Variants in PARD3B observed in about 807,000 individuals in gnomAD.
PARD3B encodes par-3 family cell polarity regulator beta, also known as partitioning defective 3 homolog B.
A neutral mutation model predicts 130.2 loss-of-function variants in PARD3B; 103 were observed. The ratio of observed to expected loss-of-function variants is 0.79; its 90% CI spans 0.67 to 0.93. The LOEUF is 0.93. PARD3B is among the 40% of genes least tolerant of loss of function. The pLI, the probability that PARD3B is intolerant of heterozygous loss-of-function variation, is 0.00. For synonymous variants in PARD3B, 583 were observed against 553.2 expected (o/e 1.05, Z -0.76); for missense variants, 1,609 against 1,499.2 (o/e 1.07, Z -1.21).
intron 1 of PARD3B, among the ~76,000 whole-genome samples, chr2:204,600,714 G>T (rs1381615974): frequency 6.6e-6 from 1 of 151,750 alleles, no homozygotes; most frequent in African/African-American, 2.4e-5. Context: ...AAGTGATAAG[G>T]TTTCAGTTTT....
intron 18 of PARD3B, among the ~76,000 whole-genome samples, chr2:205,340,352 G>A (rs2043476447): frequency 6.6e-6 from 1 of 151,918 alleles, no homozygotes; most frequent in Non-Finnish European, 1.5e-5. Context: ...CTTCAAAATA[G>A]ACTACAAAGC....
chr2:204,965,263 C>A lies in PARD3B; in HGVS notation c.334C>A (p.Leu112Met), dbSNP rs1691133429. ...TTTTGAGACAGAAGTGGCCGCCCAA[C>A]TGGCCGCATTTAAGCCAATTGGTGG... is the stretch of plus-strand genomic sequence containing the variant. ...DAFETEVAAQ[L>M]AAFKPIGGEI... The change falls in exon 3 of 23, where the codon CTG becomes ATG. Residue 112 changes from leucine (L) to methionine (M), a missense_variant. Transcript: ENST00000406610. 6.2e-7 allele frequency: 1 copy of A among 1,613,802 alleles called. No homozygotes were observed. Among genetic ancestry groups the A allele is most frequent in the Admixed American group, 1.7e-5 (1 of 59,970 alleles).
intron 19 of PARD3B, among the ~76,000 whole-genome samples, chr2:205,431,500 T>C (rs1481033550): frequency 2.0e-5 from 3 of 152,120 alleles, no homozygotes; most frequent in African/African-American, 7.2e-5. Context: ...GACAGAGTCT[T>C]GCACTGTTGT....
chr2:204,599,524 C>CT (rs1215384695), intron 1 of PARD3B, among the ~76,000 whole-genome samples: 7 of 151,886 alleles, frequency 4.6e-5, no homozygotes, highest in South Asian at 2.1e-4. Context: ...GGATTTTATC[C>CT]TTTTTTATGG....
intron 1 of PARD3B, among the ~76,000 whole-genome samples, chr2:204,638,705 A>G (rs1474711010): frequency 1.3e-5 from 2 of 152,142 alleles, no homozygotes; most frequent in Admixed American, 6.6e-5. Flanking sequence ...GGGACTTCAA[A>G]TGACTATGCA....
At chr2:205,523,418 C>T (rs891230799) in intron 21 of PARD3B, among the ~76,000 whole-genome samples, 5 of 151,266 alleles carry the variant, frequency 3.3e-5, no homozygotes. Context: ...TAATTTTTGT[C>T]TTTTTAATAG....
At chr2:205,374,907 A>G (rs557594957) in intron 18 of PARD3B, among the ~76,000 whole-genome samples, 4 of 152,314 alleles carry the variant, frequency 2.6e-5, no homozygotes, top group African/African-American at 7.2e-5. Context: ...ACAAAGCACA[A>G]TGAAGACTGA....
In PARD3B at chr2:204,943,564, G is replaced by A. The variant is rs1450867139; in HGVS notation, c.223-21588G>A. Among the ~76,000 whole-genome samples, 1 of 152,160 alleles carries A rather than the reference G, an allele frequency of 6.6e-6. No individual in the cohort carries two copies. Among genetic ancestry groups the A allele is most frequent in the Non-Finnish European group, 1.5e-5 (1 of 68,028 alleles). ...AAATTGCTCGTAATGGAGGTAAATG[G>A]CTTGTGCCATGAGAAACCAAACTGT... On this transcript the variant is annotated intron_variant, in intron 2 of 22. Transcript: ENST00000406610. This position sits in a 1 kb window ranked among gnomAD's most constrained non-coding sequence, Gnocchi z 4.2.
At chr2:204,806,216 A>C (rs1575030842) in intron 2 of PARD3B, among the ~76,000 whole-genome samples, 1 of 152,206 alleles carries the variant, frequency 6.6e-6, no homozygotes, top group South Asian at 2.1e-4. Context: ...AACTGGAGGA[A>C]TCATACTACC....
In PARD3B at chr2:205,467,004, C is replaced by T. The variant is rs187308794; in HGVS notation, c.3044+26332C>T. Among the ~76,000 whole-genome samples, 18 of 152,350 alleles carry T rather than the reference C, an allele frequency of 1.2e-4. No individual in the cohort carries two copies. The East Asian group carries it at 1.4e-3, about 11-fold the overall frequency. On this transcript the variant is annotated intron_variant, in intron 20 of 22. Coordinates refer to ENST00000406610, the MANE Select transcript of PARD3B (RefSeq NM_001302769.2). ...CTGGGATCACAGGCGTGAGCCACAA[C>T]GCCCAACCAGGCTTGGTATTATTTT... is the stretch of plus-strand genomic sequence containing the variant.
chr2:204,734,068 T>C (rs1020828845), intron 2 of PARD3B, among the ~76,000 whole-genome samples: 2 of 152,154 alleles, frequency 1.3e-5, no homozygotes, highest in Non-Finnish European at 2.9e-5. Flanking sequence ...ATAACTCTTA[T>C]AATTTAATAT....
rs536636837 is a variant in PARD3B at position 204,677,283 on chromosome 2, C to A, written c.121-8898C>A. On this transcript the variant is annotated intron_variant, in intron 1 of 22. Coordinates refer to ENST00000406610, the MANE Select transcript of PARD3B (RefSeq NM_001302769.2). The surrounding 1 kb of genome is among the most constrained non-coding windows in gnomAD (Gnocchi z 4.1). ...GAATACTCCAAGTCTAGATTAAAAA[C>A]AGGTAGCATTGGCCTTATTCAGAGG... Among the ~76,000 whole-genome samples the A allele has an allele frequency of 1.8e-4, 28 of 152,254 alleles. No homozygotes were observed. The highest frequency in any genetic ancestry group is 6.7e-4 in the African/African-American group (28 of 41,560).
chr2:204,598,669 A>C (rs1315084576), intron 1 of PARD3B, among the ~76,000 whole-genome samples: 1 of 152,128 alleles, frequency 6.6e-6, no homozygotes, highest in African/African-American at 2.4e-5. Context: ...TGCATATATC[A>C]CAAAATTAAG....
At chr2:204,944,826 CCTT>C (rs1335145006) in intron 2 of PARD3B, among the ~76,000 whole-genome samples, 1 of 152,168 alleles carries the variant, frequency 6.6e-6, no homozygotes, top group African/African-American at 2.4e-5. Flanking sequence ...TCCACCATGG[CCTT>C]CTCCCTTTCT....
chr2:205,452,482 G>A (rs733001), intron 20 of PARD3B, among the ~76,000 whole-genome samples: 35,382 of 152,082 alleles, frequency 0.23, 6,931 homozygotes, highest in African/African-American at 0.54. Context: ...TGCCATTTCC[G>A]TAGAGAGTTA....
intron 2 of PARD3B, among the ~76,000 whole-genome samples, chr2:204,877,008 A>G (rs1017056498): frequency 1.3e-5 from 2 of 152,144 alleles, no homozygotes; most frequent in Non-Finnish European, 2.9e-5. Context: ...CACACTCTAG[A>G]TCCCTGAGGA....
At position 205,421,712 on chromosome 2, in the gene PARD3B, C is replaced by T. The variant is rs887282569; in HGVS notation, c.2742-18658C>T. Among the ~76,000 whole-genome samples the T allele has an allele frequency of 2.6e-4, 40 of 152,260 alleles. No homozygotes were observed. Among genetic ancestry groups the T allele is most frequent in the African/African-American group, 8.9e-4 (37 of 41,562 alleles). On this transcript the variant is annotated intron_variant, in intron 19 of 22. Coordinates refer to ENST00000406610, the MANE Select transcript of PARD3B (RefSeq NM_001302769.2). This position sits in a 1 kb window ranked among gnomAD's most constrained non-coding sequence, Gnocchi z 5.1. ...AAACAACATAAATTTATTCTCTTAA[C>T]GTTTTGGAGGCCATAATTCTGAAGT...
Position 205,036,179 on chromosome 2 carries a change from A to G in PARD3B, c.395-11402A>G, listed in dbSNP as rs972675026. On this transcript the variant is annotated intron_variant, in intron 3 of 22. Transcript: ENST00000406610. Reference sequence around the variant, plus strand: ...AAATATGTAGTATATAGTGGACTATATATACAAAATAAGTATATAGTGGAC... The same window carrying G: ...AAATATGTAGTATATAGTGGACTATGTATACAAAATAAGTATATAGTGGAC... 4.1e-5 allele frequency among the ~76,000 whole-genome samples: 6 copies of G among 146,162 alleles called. No homozygotes were observed. The East Asian group carries it at 1.2e-3, about 29-fold the overall frequency.
At chr2:204,928,677 A>C (rs1687811987) in intron 2 of PARD3B, among the ~76,000 whole-genome samples, 1 of 151,550 alleles carries the variant, frequency 6.6e-6, no homozygotes, top group African/African-American at 2.4e-5. Flanking sequence ...TCAGTGCAGA[A>C]GGGAGAAAAA....
Sources: allele counts gnomAD v4.1 joint callset (sites outside exome capture counted in the v4.1 genomes callset), GRCh38; gene constraint gnomAD v4.1.1; non-coding constraint Gnocchi (gnomAD v3.1); transcripts MANE v1.5; gene names NCBI Gene and HGNC (gene_info 2026-07-23, HGNC 2026-07-21).